The following ITGB6 variants were observed in gnomAD, a reference collection of about 807,000 sequenced individuals.
ITGB6 encodes integrin beta-6.
In ITGB6, 80 loss-of-function variants were observed where a neutral mutation model predicts 84.5. The ratio of observed to expected loss-of-function variants is 0.95; its 90% CI spans 0.79 to 1.14. The LOEUF is 1.14. Among genes scored for constraint, ITGB6 ranks in the 50% most tolerant of loss-of-function variants. The pLI, the probability that ITGB6 is intolerant of heterozygous loss-of-function variation, is 0.00. For missense variants in ITGB6, 1,006 were observed against 968.0 expected (o/e 1.04, Z -0.52); for synonymous variants, 383 against 354.9 (o/e 1.08, Z -0.89).
rs571083667 is a variant in ITGB6, at chr2:160,192,920, T to C, written c.593+2449A>G. On this transcript the variant is annotated intron_variant, in intron 4 of 14. Transcript: ENST00000283249. ...TCATTCATTATTAAGGAGATGCAAA[T>C]TAAAGCTACAATGAGATGCTACCCC... Among the ~76,000 whole-genome samples the C allele has an allele frequency of 5.2e-4, 79 of 152,096 alleles. 1 individual carries two copies. Among genetic ancestry groups the C allele is most frequent in the African/African-American group, 1.9e-3 (79 of 41,490 alleles).
intron 12 of ITGB6, among the ~76,000 whole-genome samples, chr2:160,120,186 G>T (rs1682969703): frequency 1.3e-5 from 2 of 151,966 alleles, no homozygotes; most frequent in Admixed American, 1.3e-4. Flanking sequence ...CAAAGGATTA[G>T]AAACCATGTT....
At chr2:160,190,554 C>A (rs1177309493) in intron 4 of ITGB6, among the ~76,000 whole-genome samples, 1 of 152,204 alleles carries the variant, frequency 6.6e-6, no homozygotes, top group Non-Finnish European at 1.5e-5. Flanking sequence ...CAAAGGATTT[C>A]AGCTACTTGA....
At chr2:160,133,291 A>C (rs2884268) in intron 10 of ITGB6, among the ~76,000 whole-genome samples, 100,208 of 151,878 alleles carry the variant, frequency 0.66, 33,453 homozygotes, top group Admixed American at 0.74. Context: ...GACTTTAAAC[A>C]AACAAAGATC....
At chr2:160,113,052 CT>C (rs1682598162) in intron 12 of ITGB6, among the ~76,000 whole-genome samples, 1 of 152,142 alleles carries the variant, frequency 6.6e-6, no homozygotes, top group Non-Finnish European at 1.5e-5. Context: ...AAGTTGGAGA[CT>C]TTTCAATGAT....
chr2:160,145,355 C>T (rs939485231), intron 7 of ITGB6, among the ~76,000 whole-genome samples: 6 of 152,172 alleles, frequency 3.9e-5, no homozygotes, highest in African/African-American at 1.2e-4. Flanking sequence ...TACCATACCA[C>T]CCAGGAGTTC....
rs1034569392 is a variant in ITGB6, at chr2:160,101,848, A to G, written c.2269-14T>C. ...TGGATTGGTTCCCTGGAAAAAAAAA[A>G]AAGATTCAAGTGAAAGTATGTATAT... On this transcript the variant is annotated splice_polypyrimidine_tract_variant and intron_variant, in intron 14 of 14. Coordinates refer to ENST00000283249, the MANE Select transcript of ITGB6 (RefSeq NM_000888.5). 1.4e-6 allele frequency: 2 copies of G among 1,424,990 alleles called. No individual in the cohort carries two copies. The highest frequency in any genetic ancestry group is 1.4e-5 in the African/African-American group (1 of 70,156). The allele number at this position is 1,424,990 out of a possible 1,614,324, so 88.3% of individuals were successfully genotyped here. A position where few individuals can be genotyped will look rare whatever the true frequency, so the allele number is the denominator to read the frequency against.
At chr2:160,188,379 T>C (rs1450927473) in intron 4 of ITGB6, among the ~76,000 whole-genome samples, 3 of 152,154 alleles carry the variant, frequency 2.0e-5, no homozygotes, top group Non-Finnish European at 4.4e-5. Context: ...ACCACCTTAA[T>C]GGTAAATTTT....
rs779122198 is a variant in ITGB6, at chr2:160,126,510, G to A, written c.1752C>T (p.Val584=). The change falls in exon 11 of 15, where the codon GTC becomes GTT. Residue 584 remains valine (V), a synonymous_variant. Transcript: ENST00000283249. ...CGCTGCAGAGCACTCCATCTTCAGA[G>A]ACGCAGGAGTCCGTGCTGGTGGTGC... ...CNCTTSTDSC[V]SEDGVLCSGR... 2 of 1,614,160 alleles carry A rather than the reference G, an allele frequency of 1.2e-6. No homozygotes were observed. The highest frequency in any genetic ancestry group is 2.2e-5 in the South Asian group (2 of 91,076).
intron 7 of ITGB6, among the ~76,000 whole-genome samples, chr2:160,163,903 A>G (rs1160173722): frequency 1.3e-5 from 2 of 152,208 alleles, no homozygotes; most frequent in Non-Finnish European, 2.9e-5. Flanking sequence ...TCCCTATTAC[A>G]CTATTATTAT....
At chr2:160,136,410 G>A (rs76689994) in intron 10 of ITGB6, among the ~76,000 whole-genome samples, 99,019 of 149,506 alleles carry the variant, frequency 0.66, 32,977 homozygotes, top group Admixed American at 0.73. Context: ...AACAGGTGCT[G>A]GAGAGGATGT....
At chr2:160,180,845 G>C (rs553560375) in intron 4 of ITGB6, among the ~76,000 whole-genome samples, 1 of 152,290 alleles carries the variant, frequency 6.6e-6, no homozygotes, top group South Asian at 2.1e-4. Flanking sequence ...AGGGTGAGCC[G>C]AAGCAGGGTG....
intron 4 of ITGB6, 90 bp from the exon 5 acceptor site, chr2:160,174,229 T>G: frequency 1.0e-6 from 1 of 1,004,968 alleles, no homozygotes; most frequent in Non-Finnish European, 1.4e-6. Flanking sequence ...TTCTCCTAAA[T>G]GAAGATTAGT....
intron 3 of ITGB6, among the ~76,000 whole-genome samples, 186 bp downstream of exon 3, chr2:160,196,030 T>C (rs1256577793): frequency 1.3e-5 from 2 of 152,216 alleles, no homozygotes; most frequent in African/African-American, 4.8e-5. Flanking sequence ...AGTAACACAA[T>C]TGGAGTGCCG....
intron 12 of ITGB6, among the ~76,000 whole-genome samples, chr2:160,113,760 T>C (rs955572250): frequency 6.6e-6 from 1 of 152,220 alleles, no homozygotes; most frequent in Non-Finnish European, 1.5e-5. Flanking sequence ...AGAGATTTGG[T>C]GAGATGTGTG....
chr2:160,107,677 A>T lies in ITGB6; in HGVS notation c.2268+2T>A, dbSNP rs781224532. 2 of 1,613,660 alleles carry T rather than the reference A, an allele frequency of 1.2e-6. No homozygotes were observed. Among genetic ancestry groups the T allele is most frequent in the Admixed American group, 1.7e-5 (1 of 59,974 alleles). On this transcript the variant is annotated splice_donor_variant, in intron 14 of 14. Coordinates refer to ENST00000283249, the MANE Select transcript of ITGB6 (RefSeq NM_000888.5). LOFTEE classifies it high-confidence loss of function. ...AAGGAGTAGCCCTAAGTTTCCACAT[A>T]CCGTTTGCCACTTGGCTTTTGATCG...
At chr2:160,135,139 T>C (rs1193671132) in intron 10 of ITGB6, among the ~76,000 whole-genome samples, 5 of 150,140 alleles carry the variant, frequency 3.3e-5, no homozygotes, top group Non-Finnish European at 7.4e-5. Flanking sequence ...ATGACATGAT[T>C]GTATATCTAG....
chr2:160,172,477 C>A, intron 6 of ITGB6, 92 bp downstream of exon 6: 1 of 1,225,870 alleles, frequency 8.2e-7, no homozygotes, highest in Non-Finnish European at 1.1e-6. Context: ...CTGCTTTCAC[C>A]AAGTGTATGT....
intron 10 of ITGB6, among the ~76,000 whole-genome samples, chr2:160,131,815 C>T (rs1264567554): frequency 3.3e-5 from 5 of 152,242 alleles, no homozygotes; most frequent in South Asian, 4.2e-4. Flanking sequence ...TCAAAAGAGA[C>T]GCACTGTTGT....
At chr2:160,107,249 A>C (rs1696945753) in intron 14 of ITGB6, among the ~76,000 whole-genome samples, 1 of 152,176 alleles carries the variant, frequency 6.6e-6, no homozygotes, top group African/African-American at 2.4e-5. Flanking sequence ...TTTCCAAAGA[A>C]ATTGGCATGA....
Sources: allele counts gnomAD v4.1 joint callset (sites outside exome capture counted in the v4.1 genomes callset), GRCh38; gene constraint gnomAD v4.1.1; transcripts MANE v1.5; gene names NCBI Gene and HGNC (gene_info 2026-07-23, HGNC 2026-07-21).